ANGPT2: variants seen among roughly 807,000 people sequenced by gnomAD.
ANGPT2 encodes angiopoietin-2.
In ANGPT2, 28 loss-of-function variants were observed where a neutral mutation model predicts 62.9. The observed-to-expected ratio is 0.44, with a 90% CI of 0.33 to 0.61. The LOEUF is 0.61. Ranked by LOEUF, ANGPT2 falls within the 20% of genes least tolerant of loss-of-function variation. The pLI, the probability that ANGPT2 is intolerant of heterozygous loss-of-function variation, is 0.03. For missense variants in ANGPT2, 727 were observed against 594.9 expected (o/e 1.22, Z -2.31); for synonymous variants, 284 against 207.8 (o/e 1.37, Z -3.15).
chr8:6,527,899 A>ATTTTTTTTTTTTTTTTTTTTT (rs71213313), intron 2 of ANGPT2, among the ~76,000 whole-genome samples: 1 of 133,122 alleles, frequency 7.5e-6, no homozygotes. Context: ...CCACGTCTCT[A>ATTTTTTTTTTTTTTTTTTTTT]TTTTTTTTTT....
chr8:6,557,282 A>C (rs1210355141), intron 1 of ANGPT2, among the ~76,000 whole-genome samples: 1 of 152,134 alleles, frequency 6.6e-6, no homozygotes, highest in African/African-American at 2.4e-5. Flanking sequence ...CCCCGTGTTT[A>C]TAAGGGACTT....
chr8:6,539,151 G>A (rs1350898210), intron 1 of ANGPT2, among the ~76,000 whole-genome samples: 2 of 152,172 alleles, frequency 1.3e-5, no homozygotes, highest in East Asian at 3.9e-4. Flanking sequence ...GCGGATTTTG[G>A]GCAGCACTTT....
chr8:6,537,234 C>T (rs943919977), intron 1 of ANGPT2, among the ~76,000 whole-genome samples: 8 of 152,046 alleles, frequency 5.3e-5, no homozygotes, highest in South Asian at 2.1e-4. Flanking sequence ...ATTCCATGAG[C>T]GTGATCTGTA....
intron 1 of ANGPT2, among the ~76,000 whole-genome samples, chr8:6,549,538 A>C (rs1338473633): frequency 6.6e-6 from 1 of 151,868 alleles, no homozygotes; most frequent in Non-Finnish European, 1.5e-5. Flanking sequence ...ACAGGTGCGC[A>C]CATATATGGA....
At position 6,519,846 on chromosome 8, in the gene ANGPT2, G is replaced by T; in HGVS notation, c.927+18C>A. 6.2e-7 allele frequency: 1 copy of T among 1,612,816 alleles called. No homozygotes were observed. On this transcript the variant is annotated intron_variant, in intron 5 of 8. Transcript: ENST00000629816. Reference sequence around the variant, plus strand: ...TGCCTAGAGCCAGGGAGTTAGTAAGGGGAGACGAATACCTCACCTTGATCT... The same window carrying T: ...TGCCTAGAGCCAGGGAGTTAGTAAGTGGAGACGAATACCTCACCTTGATCT...
intron 4 of ANGPT2, 109 bp downstream of exon 4, chr8:6,521,069 A>T: frequency 1.4e-6 from 1 of 729,068 alleles, no homozygotes; most frequent in African/African-American, 1.8e-5. Flanking sequence ...TTCATATGAA[A>T]TATATGAGAA....
chr8:6,561,918 G>A (rs928870851), intron 1 of ANGPT2, among the ~76,000 whole-genome samples: 5 of 152,182 alleles, frequency 3.3e-5, no homozygotes, highest in African/African-American at 7.2e-5. Context: ...CAGACAGACC[G>A]TCCTGTCGTG....
chr8:6,522,585 C>G (rs1446600333), intron 3 of ANGPT2, among the ~76,000 whole-genome samples: 2 of 151,790 alleles, frequency 1.3e-5, no homozygotes, highest in Non-Finnish European at 2.9e-5. Flanking sequence ...AGCAGGCTGG[C>G]CAACATGGTG....
intron 2 of ANGPT2, among the ~76,000 whole-genome samples, chr8:6,532,104 G>T (rs1157468262): frequency 6.6e-6 from 1 of 152,204 alleles, no homozygotes; most frequent in African/African-American, 2.4e-5. Context: ...CATGTCTTCA[G>T]TAGATAGAAC....
At position 6,513,719 on chromosome 8, in the gene ANGPT2, C is replaced by T. The variant is rs149383060; in HGVS notation, c.1155G>A (p.Leu385=). 3 of 1,613,380 alleles carry T rather than the reference C, an allele frequency of 1.9e-6. No homozygotes were observed. Among genetic ancestry groups the T allele is most frequent in the East Asian group, 4.5e-5 (2 of 44,846 alleles). Reference sequence around the variant, plus strand: ...CACTTGAGAGATAGAAATGTTCATACAATGAGTAAGCCTCATTCCCTTCCC... The same window carrying T: ...CACTTGAGAGATAGAAATGTTCATATAATGAGTAAGCCTCATTCCCTTCCC... ...KDWEGNEAYS[L]YEHFYLSSEE... The change falls in exon 7 of 9, where the codon TTG becomes TTA. Residue 385 remains leucine, a synonymous_variant. Coordinates refer to ENST00000629816, the MANE Select transcript of ANGPT2 (RefSeq NM_001118887.2).
At chr8:6,505,239 A>AGT (rs1554514577) in intron 8 of ANGPT2, among the ~76,000 whole-genome samples, 1 of 60,882 alleles carries the variant, frequency 1.6e-5, no homozygotes, top group Non-Finnish European at 2.8e-5. Flanking sequence ...GTATATATAG[A>AGT]ATATATATTC....
intron 4 of ANGPT2, 61 bp from the exon 5 acceptor site, chr8:6,520,052 T>A: frequency 6.3e-7 from 1 of 1,578,914 alleles, no homozygotes. Flanking sequence ...AGACTTGTTA[T>A]TTCAAGAGCC....
chr8:6,499,788 C>A lies in ANGPT2; in HGVS notation c.*3313G>T. 2.1e-6 allele frequency: 3 copies of A among 1,456,786 alleles called. No individual in the cohort carries two copies. Among genetic ancestry groups the A allele is most frequent in the South Asian group, 1.1e-5 (1 of 87,834 alleles). The allele number at this position is 1,456,786 out of a possible 1,614,324, so 90.2% of individuals were successfully genotyped here. ...TTTTTGCTGTGTCTTCAAAGTGATT[C>A]TTGGTTTATTGCCTGCTAAGGCTAA... On this transcript the variant is annotated 3_prime_UTR_variant, in exon 9 of 9. Transcript: ENST00000629816.
chr8:6,556,852 G>A (rs893427193), intron 1 of ANGPT2, among the ~76,000 whole-genome samples: 1 of 152,106 alleles, frequency 6.6e-6, no homozygotes, highest in African/African-American at 2.4e-5. Flanking sequence ...GCCTCTCAAA[G>A]CTCTAGGATT....
chr8:6,501,200 T>C lies in ANGPT2; in HGVS notation c.*1901A>G, dbSNP rs1444277412. On this transcript the variant is annotated 3_prime_UTR_variant, in exon 9 of 9. Transcript: ENST00000629816. ...GCCTTGACTTTGCCAGAGTCCATCA[T>C]TGACTCCAAATATGTAGCAACACCT... 1.3e-5 allele frequency: 2 copies of C among 152,210 alleles called. No individual in the cohort carries two copies. Among genetic ancestry groups the C allele is most frequent in the Non-Finnish European group, 2.9e-5 (2 of 68,038 alleles). The allele number at this position is 152,210 out of a possible 1,614,324, so 9.4% of individuals were successfully genotyped here. A position where few individuals can be genotyped will look rare whatever the true frequency, so the allele number is the denominator to read the frequency against.
At chr8:6,519,719 C>G (rs1000299448) in intron 5 of ANGPT2, 145 bp downstream of exon 5, 2 of 966,282 alleles carry the variant, frequency 2.1e-6, no homozygotes, top group East Asian at 5.2e-5. Flanking sequence ...GCACTCTAGG[C>G]GAGGTAGCTG....
At position 6,562,705 on chromosome 8, in the gene ANGPT2, A is replaced by T; in HGVS notation, c.230T>A (p.Val77Glu). 5 of 1,612,896 alleles carry T rather than the reference A, an allele frequency of 3.1e-6. No homozygotes were observed. Among genetic ancestry groups the T allele is most frequent in the Non-Finnish European group, 4.2e-6 (5 of 1,179,198 alleles). ...GTTCTCCAGCACTTGCAGCCTCTGC[A>T]CCGAGTCATCGTATTCGAGCGGCGC... The part of the protein sequence containing the change: ...RDAPLEYDDS[V>E]QRLQVLENIM... The change falls in exon 1 of 9, where the codon GTG becomes GAG. Residue 77 changes from valine to glutamate, a missense_variant. Coordinates refer to ENST00000629816, the MANE Select transcript of ANGPT2 (RefSeq NM_001118887.2).
chr8:6,542,874 A>G (rs1821865314), intron 1 of ANGPT2, among the ~76,000 whole-genome samples: 1 of 152,232 alleles, frequency 6.6e-6, no homozygotes, highest in African/African-American at 2.4e-5. Context: ...GGAAAAGGCT[A>G]GCGAAACTTA....
chr8:6,527,949 G>C (rs1818681955), intron 2 of ANGPT2, among the ~76,000 whole-genome samples: 1 of 142,848 alleles, frequency 7.0e-6, no homozygotes, highest in South Asian at 2.3e-4. Context: ...GGGGTGGAGT[G>C]CAGTGGCATG....
Sources: allele counts gnomAD v4.1 joint callset (sites outside exome capture counted in the v4.1 genomes callset), GRCh38; gene constraint gnomAD v4.1.1; transcripts MANE v1.5; gene names NCBI Gene and HGNC (gene_info 2026-07-23, HGNC 2026-07-21).